The following SFMBT1 variants were observed in gnomAD, a reference collection of about 807,000 sequenced individuals.
SFMBT1 encodes Scm like with four mbt domains 1, also known as scm-like with four MBT domains protein 1.
In SFMBT1, 32 loss-of-function variants were observed where a neutral mutation model predicts 108.7. The observed-to-expected ratio is 0.29, with a 90% CI of 0.22 to 0.40. SFMBT1 has a LOEUF of 0.40. Ranked by LOEUF, SFMBT1 falls within the 10% of genes least tolerant of loss-of-function variation. The probability of loss-of-function intolerance (pLI) is 1.00; values close to 1 mark genes in which losing one functional copy is unlikely to be tolerated. For missense variants in SFMBT1, 816 were observed against 1,059.6 expected (o/e 0.77, Z 3.19); for synonymous variants, 348 against 369.5 (o/e 0.94, Z 0.67).
In SFMBT1 at chr3:52,974,606, G is replaced by A. The variant is rs562530964; in HGVS notation, c.-130-5348C>T. 4.6e-5 allele frequency among the ~76,000 whole-genome samples: 7 copies of A among 152,136 alleles called. No homozygotes were observed. In the East Asian group the frequency reaches 1.4e-3, roughly 29 times the overall value. On this transcript the variant is annotated intron_variant, in intron 1 of 20. Coordinates refer to ENST00000394752, the MANE Select transcript of SFMBT1 (RefSeq NM_016329.4). ...TTATTCTTTTAACCCACTGCTACATGTCTGACTAGAGAGATTAAAAAATAA... is the reference window on the plus strand; with the variant it reads ...TTATTCTTTTAACCCACTGCTACATATCTGACTAGAGAGATTAAAAAATAA...
At chr3:53,005,267 C>A (rs917375863) in intron 1 of SFMBT1, among the ~76,000 whole-genome samples, 1 of 152,172 alleles carries the variant, frequency 6.6e-6, no homozygotes, top group African/African-American at 2.4e-5. Context: ...ATAGGCTGTA[C>A]GCATGATGGG....
At chr3:53,006,692 A>G (rs1315628174) in intron 1 of SFMBT1, among the ~76,000 whole-genome samples, 1 of 152,060 alleles carries the variant, frequency 6.6e-6, no homozygotes, top group Non-Finnish European at 1.5e-5. Context: ...GTCATTTTAT[A>G]TAAGGGTCTT....
At chr3:52,907,451 G>C in intron 18 of SFMBT1, 104 bp downstream of exon 18, 3 of 1,517,938 alleles carry the variant, frequency 2.0e-6, no homozygotes, top group Non-Finnish European at 2.6e-6. Flanking sequence ...TCTTCTATTG[G>C]CCAGAGATCT....
chr3:52,922,795 C>T (rs746797230), intron 10 of SFMBT1, among the ~76,000 whole-genome samples: 3 of 152,160 alleles, frequency 2.0e-5, no homozygotes, highest in Non-Finnish European at 4.4e-5. Context: ...GAGAAGATGC[C>T]TAGGTAAGAG....
At position 52,936,488 on chromosome 3, in the gene SFMBT1, C is replaced by T. The variant is rs184172684; in HGVS notation, c.365-1587G>A. Among the ~76,000 whole-genome samples, 649 of 152,252 alleles carry T rather than the reference C, an allele frequency of 4.3e-3. 3 individuals carry two copies. The highest frequency in any genetic ancestry group is 0.015 in the African/African-American group (615 of 41,540). Reference sequence around the variant, plus strand: ...CAAGCCATTACAGCTGTTGTCCTTACGACACTCTATCTTCAACCAGAGGCA... The same window carrying T: ...CAAGCCATTACAGCTGTTGTCCTTATGACACTCTATCTTCAACCAGAGGCA... On this transcript the variant is annotated intron_variant, in intron 4 of 20. Coordinates refer to ENST00000394752, the MANE Select transcript of SFMBT1 (RefSeq NM_016329.4).
intron 2 of SFMBT1, among the ~76,000 whole-genome samples, chr3:52,967,343 C>G (rs943545863): frequency 6.6e-6 from 1 of 151,684 alleles, no homozygotes; most frequent in African/African-American, 2.4e-5. Flanking sequence ...ATATACCATG[C>G]AAATGTTAAT....
At chr3:53,004,960 C>CA (rs1017903938) in intron 1 of SFMBT1, among the ~76,000 whole-genome samples, 1 of 152,182 alleles carries the variant, frequency 6.6e-6, no homozygotes, top group African/African-American at 2.4e-5. Context: ...TAACTTTTCA[C>CA]AAAATGCACA....
intron 1 of SFMBT1, among the ~76,000 whole-genome samples, chr3:53,027,513 T>G (rs1699534131): frequency 6.6e-6 from 1 of 152,190 alleles, no homozygotes; most frequent in Non-Finnish European, 1.5e-5. Context: ...GCACCTCCAG[T>G]TCACTAATGA....
At chr3:52,906,855 C>CT (rs1702076677) in intron 19 of SFMBT1, among the ~76,000 whole-genome samples, 1 of 152,132 alleles carries the variant, frequency 6.6e-6, no homozygotes, top group South Asian at 2.1e-4. Flanking sequence ...AGCAGCTACT[C>CT]TGAGAGAGAC....
chr3:52,923,358 G>A (rs1167605768), intron 10 of SFMBT1, among the ~76,000 whole-genome samples: 3 of 152,134 alleles, frequency 2.0e-5, no homozygotes, highest in African/African-American at 7.2e-5. Context: ...CTGAGGTCAG[G>A]AATTCAACAG....
At chr3:52,934,975 A>G in intron 4 of SFMBT1, 74 bp from the exon 5 acceptor site, 1 of 1,191,614 alleles carries the variant, frequency 8.4e-7, no homozygotes, top group South Asian at 1.3e-5. Context: ...ATCAGTGGAG[A>G]TGGTTTAAAG....
At chr3:53,034,188 A>G (rs533212043) in intron 1 of SFMBT1, among the ~76,000 whole-genome samples, 14 of 152,306 alleles carry the variant, frequency 9.2e-5, no homozygotes, top group East Asian at 7.7e-4. Context: ...GTGTTTTAAT[A>G]AACTGGTTAG....
At chr3:52,944,536 T>G (rs920778794) in intron 3 of SFMBT1, among the ~76,000 whole-genome samples, 6 of 152,220 alleles carry the variant, frequency 3.9e-5, no homozygotes, top group African/African-American at 1.4e-4. Flanking sequence ...TTTATTTTTT[T>G]GAGACAAAGT....
Position 53,003,759 on chromosome 3 carries a change from CA to C in SFMBT1, c.-130-34502del, listed in dbSNP as rs370165165. ...GCATTTGTCAGTACCATAGAAAGGTCAAAAAAAAAAAAAAAAGAAAAGAAAC... is the reference window on the plus strand; with the variant it reads ...GCATTTGTCAGTACCATAGAAAGGTCAAAAAAAAAAAAAAAGAAAAGAAAC... On this transcript the variant is annotated intron_variant, in intron 1 of 20. Transcript: ENST00000394752. 5.4e-3 allele frequency among the ~76,000 whole-genome samples: 439 copies of C among 81,910 alleles called. 5 individuals carry two copies. Among genetic ancestry groups the C allele is most frequent in the African/African-American group, 0.019 (370 of 19,472 alleles). 53.7% of individuals were successfully genotyped at this position (81,910 alleles called of 152,430 possible).
At chr3:53,019,506 C>G (rs1032688547) in intron 1 of SFMBT1, among the ~76,000 whole-genome samples, 2 of 152,166 alleles carry the variant, frequency 1.3e-5, no homozygotes, top group African/African-American at 2.4e-5. Flanking sequence ...AAAACTTTTT[C>G]CTTCTCAACC....
At chr3:52,963,858 A>G (rs1339599695) in intron 2 of SFMBT1, among the ~76,000 whole-genome samples, 1 of 152,224 alleles carries the variant, frequency 6.6e-6, no homozygotes, top group African/African-American at 2.4e-5. Flanking sequence ...TGATATCTAA[A>G]ATGTTGGTAT....
chr3:52,989,940 G>A (rs534997170), intron 1 of SFMBT1, among the ~76,000 whole-genome samples: 1 of 152,132 alleles, frequency 6.6e-6, no homozygotes. Context: ...AATTAACAAC[G>A]AAAAAGGTAG....
intron 1 of SFMBT1, among the ~76,000 whole-genome samples, chr3:53,006,328 T>G (rs973313062): frequency 7.3e-4 from 111 of 152,092 alleles, no homozygotes; most frequent in African/African-American, 2.5e-3. Flanking sequence ...GATGTTTACT[T>G]TAGCAATCAT....
intron 1 of SFMBT1, among the ~76,000 whole-genome samples, chr3:53,017,185 G>T (rs1264140263): frequency 6.6e-6 from 1 of 152,136 alleles, no homozygotes; most frequent in Non-Finnish European, 1.5e-5. Flanking sequence ...ACACACCCAA[G>T]CTGTTAGAAG....
Sources: gnomAD v4.1 joint callset for allele counts (sites outside exome capture counted in the v4.1 genomes callset) on GRCh38, gnomAD v4.1.1 for gene constraint, MANE v1.5 for transcripts, NCBI Gene and HGNC (gene_info 2026-07-23, HGNC 2026-07-21) for gene names.